Variants in BRIP1 observed in about 807,000 individuals in gnomAD.
BRIP1 encodes the protein BRCA1 interacting DNA helicase 1.
BRIP1 carries 88 observed loss-of-function variants against 119.7 expected under a neutral mutation model. That is an observed-to-expected ratio of 0.74 (90% CI 0.62 to 0.88). The LOEUF (loss-of-function observed/expected upper bound fraction) is 0.88, where lower values mean the gene tolerates loss of function less well. Among genes scored for constraint, BRIP1 ranks in the 40% least tolerant of loss-of-function variants. The pLI, the probability that BRIP1 is intolerant of heterozygous loss-of-function variation, is 0.00. For missense variants in BRIP1, 1,259 were observed against 1,455.4 expected, an observed-to-expected ratio of 0.87 and a Z score of 2.20; for synonymous variants, 443 against 496.5, an observed-to-expected ratio of 0.89 and a Z score of 1.43.
rs965805009 is a variant in BRIP1 at position 61,793,963 on chromosome 17, T to C, written c.1341-234A>G. 6.6e-6 allele frequency among the ~76,000 whole-genome samples: 1 copy of C among 152,176 alleles called. No individual in the cohort carries two copies. The highest frequency in any genetic ancestry group is 2.4e-5 in the African/African-American group (1 of 41,462). ...TATTCAGAAGAAACAAACATGCATA[T>C]GATTTCCCACTTGTTTTGTGGATTC... is the stretch of plus-strand genomic sequence containing the variant. On this transcript the variant is annotated intron_variant, in intron 9 of 19. Transcript: ENST00000259008. The surrounding 1 kb of genome is among the most constrained non-coding windows in gnomAD (Gnocchi z 5.2).
intron 18 of BRIP1, among the ~76,000 whole-genome samples, chr17:61,688,551 G>A (rs747503225): frequency 6.6e-6 from 1 of 152,044 alleles, no homozygotes; most frequent in Non-Finnish European, 1.5e-5. Flanking sequence ...ACAGATCCAC[G>A]GAAAAGGTTT....
rs79772089 is a variant in BRIP1, at chr17:61,796,730, G to C, written c.1340+2370C>G. Among the ~76,000 whole-genome samples, 20 of 152,104 alleles carry C rather than the reference G, an allele frequency of 1.3e-4. No homozygotes were observed. In the East Asian group the frequency reaches 3.7e-3, roughly 28 times the overall value. ...TTTAAAAAATGATTCTAGCTACCAA[G>C]CTAGAATTGATTACTGGAGAAAGAT... On this transcript the variant is annotated intron_variant, in intron 9 of 19. Coordinates refer to ENST00000259008, the MANE Select transcript of BRIP1 (RefSeq NM_032043.3). The surrounding 1 kb of genome is among the most constrained non-coding windows in gnomAD (Gnocchi z 4.8).
chr17:61,744,516 C>T lies in BRIP1; in HGVS notation c.2173G>A (p.Val725Ile), dbSNP rs1236873736. Residue 725 changes from valine (V) to isoleucine (I), a missense_variant, in exon 15 of 20, where the codon GTA becomes ATA. Around this residue, in one of 3 missense-constraint regions of BRIP1, gnomAD observed 753 missense variants for 891.8 expected, o/e 0.84. Coordinates refer to ENST00000259008, the MANE Select transcript of BRIP1 (RefSeq NM_032043.3). This position sits in a 1 kb window ranked among gnomAD's most constrained non-coding sequence, Gnocchi z 5.0. Reference sequence around the variant, plus strand: ...GTTTTTTCTCCTCCCTGTGGTTCTACAATGACTGTCTTCACCAACTCCAGA... The same window carrying T: ...GTTTTTTCTCCTCCCTGTGGTTCTATAATGACTGTCTTCACCAACTCCAGA... The part of the protein sequence containing the change: ...HNLELVKTVI[V>I]EPQGGEKTNF... The T allele has an allele frequency of 6.2e-7, 1 of 1,613,830 alleles. No individual in the cohort carries two copies. Among genetic ancestry groups the T allele is most frequent in the Admixed American group, 1.7e-5 (1 of 60,020 alleles).
chr17:61,859,748 T>C (rs2078947511), intron 3 of BRIP1, 48 bp downstream of exon 3: 3 of 1,189,812 alleles, frequency 2.5e-6, no homozygotes, highest in Non-Finnish European at 3.8e-6. Context: ...TGTATTATAT[T>C]TTCTCAGATC....
chr17:61,825,854 T>C lies in BRIP1; in HGVS notation c.628-17097A>G, dbSNP rs962708971. On this transcript the variant is annotated intron_variant, in intron 6 of 19. Transcript: ENST00000259008. The surrounding 1 kb of genome is among the most constrained non-coding windows in gnomAD (Gnocchi z 4.1). ...AAAGCAATTTACAGATTCAATGCTA[T>C]TCCTATTAAACTACCACTGACATTC... 6.6e-6 allele frequency among the ~76,000 whole-genome samples: 1 copy of C among 152,106 alleles called. No individual in the cohort carries two copies. Among genetic ancestry groups the C allele is most frequent in the Non-Finnish European group, 1.5e-5 (1 of 68,022 alleles).
rs1603367680 is a variant in BRIP1, at chr17:61,859,836, G to A, written c.165C>T (p.Ala55=). 2 of 1,613,928 alleles carry A rather than the reference G, an allele frequency of 1.2e-6. No homozygotes were observed. Among genetic ancestry groups the A allele is most frequent in the Non-Finnish European group, 1.7e-6 (2 of 1,179,878 alleles). ...ESPTGSGKSL[A]LLCSALAWQQ... is the part of the protein sequence containing the mutation. The stretch of plus-strand genomic sequence containing the variant: ...GCCATGCTAAAGCAGAACAAAGTAA[G>A]GCTAAGCTTTTTCCACTTCCTGTGG... Residue 55 remains alanine (A), a synonymous_variant, in exon 3 of 20, where the codon GCC becomes GCT. Transcript: ENST00000259008.
At position 61,844,403 on chromosome 17, in the gene BRIP1, A is replaced by G. The variant is rs2078699517; in HGVS notation, c.627+2698T>C. On this transcript the variant is annotated intron_variant, in intron 6 of 19. Coordinates refer to ENST00000259008, the MANE Select transcript of BRIP1 (RefSeq NM_032043.3). This position sits in a 1 kb window ranked among gnomAD's most constrained non-coding sequence, Gnocchi z 4.7. ...AGTTTGAGACCAACCTGGGCAACAC[A>G]GTGAGACCTCATCTCTACAAAAAAT... Among the ~76,000 whole-genome samples, 1 of 152,128 alleles carries G rather than the reference A, an allele frequency of 6.6e-6. No individual in the cohort carries two copies. Among genetic ancestry groups the G allele is most frequent in the Admixed American group, 6.5e-5 (1 of 15,274 alleles).
intron 5 of BRIP1, among the ~76,000 whole-genome samples, chr17:61,847,612 C>T (rs959157768): frequency 6.6e-6 from 1 of 152,036 alleles, no homozygotes; most frequent in African/African-American, 2.4e-5. Flanking sequence ...TTGAAAAGAA[C>T]TCAGAATAAA....
intron 10 of BRIP1, among the ~76,000 whole-genome samples, chr17:61,784,625 T>C (rs183872183): frequency 2.8e-4 from 42 of 152,206 alleles, no homozygotes; most frequent in African/African-American, 9.6e-4. Flanking sequence ...ATCAGGAGGT[T>C]TGGGACCATG....
intron 10 of BRIP1, among the ~76,000 whole-genome samples, chr17:61,792,167 A>G (rs2077828152): frequency 6.6e-6 from 1 of 152,136 alleles, no homozygotes; most frequent in Non-Finnish European, 1.5e-5. Flanking sequence ...TACAGCCTCA[A>G]ATTCCTGGGT....
At chr17:61,728,118 C>T (rs907041283) in intron 16 of BRIP1, among the ~76,000 whole-genome samples, 3 of 151,984 alleles carry the variant, frequency 2.0e-5, no homozygotes, top group African/African-American at 7.2e-5. Flanking sequence ...CGTGAGCCAC[C>T]GCGCCTGGCC....
rs1023606367 is a variant in BRIP1 at position 61,687,609 on chromosome 17, T to A, written c.2576-1444A>T. On this transcript the variant is annotated intron_variant, in intron 18 of 19. Transcript: ENST00000259008. This position sits in a 1 kb window ranked among gnomAD's most constrained non-coding sequence, Gnocchi z 5.1. ...AAAATTTAACATCTCTTTATTATAATAAAATGTATTTTTTTTTTAGCTAAA... is the reference window on the plus strand; with the variant it reads ...AAAATTTAACATCTCTTTATTATAAAAAAATGTATTTTTTTTTTAGCTAAA... Among the ~76,000 whole-genome samples, 3 of 152,168 alleles carry A rather than the reference T, an allele frequency of 2.0e-5. No homozygotes were observed. Among genetic ancestry groups the A allele is most frequent in the African/African-American group, 7.2e-5 (3 of 41,432 alleles).
chr17:61,847,301 C>A, intron 5 of BRIP1, 81 bp from the exon 6 acceptor site: 1 of 1,482,436 alleles, frequency 6.7e-7, no homozygotes, highest in East Asian at 2.3e-5. Flanking sequence ...CAAAACAGCT[C>A]TATGTATTTT....
Position 61,700,468 on chromosome 17 carries a change from TA to T in BRIP1, c.2493-6957del, listed in dbSNP as rs1357782608. 6.6e-6 allele frequency among the ~76,000 whole-genome samples: 1 copy of T among 152,200 alleles called. No homozygotes were observed. The highest frequency in any genetic ancestry group is 1.5e-5 in the Non-Finnish European group (1 of 68,036). On this transcript the variant is annotated intron_variant, in intron 17 of 19. Coordinates refer to ENST00000259008, the MANE Select transcript of BRIP1 (RefSeq NM_032043.3). This position sits in a 1 kb window ranked among gnomAD's most constrained non-coding sequence, Gnocchi z 4.1. ...TTCTGAAGGACAGTTTTGTTAGATATAGTATTCTTGGTTGACAGTCATTTTC... is the reference window on the plus strand; with the variant it reads ...TTCTGAAGGACAGTTTTGTTAGATATGTATTCTTGGTTGACAGTCATTTTC...
At chr17:61,719,982 C>T (rs1223851597) in intron 16 of BRIP1, among the ~76,000 whole-genome samples, 2 of 151,968 alleles carry the variant, frequency 1.3e-5, no homozygotes, top group Non-Finnish European at 2.9e-5. Flanking sequence ...GTGTGTGCTG[C>T]CATGCCTGGC....
At position 61,810,483 on chromosome 17, in the gene BRIP1, A is replaced by AT. The variant is rs1486288088; in HGVS notation, c.628-1727dup. On this transcript the variant is annotated intron_variant, in intron 6 of 19. Coordinates refer to ENST00000259008, the MANE Select transcript of BRIP1 (RefSeq NM_032043.3). The surrounding 1 kb of genome is among the most constrained non-coding windows in gnomAD (Gnocchi z 4.7). ...ATTAATTTACTTTTTCATACCATCA[A>AT]TTTTTTCCCTCAATTATACTATTTC... Among the ~76,000 whole-genome samples the AT allele has an allele frequency of 6.6e-6, 1 of 152,094 alleles. No individual in the cohort carries two copies. Among genetic ancestry groups the AT allele is most frequent in the Admixed American group, 6.6e-5 (1 of 15,266 alleles).
chr17:61,741,295 C>T (rs573002637), intron 16 of BRIP1, among the ~76,000 whole-genome samples: 3 of 152,328 alleles, frequency 2.0e-5, no homozygotes, highest in African/African-American at 7.2e-5. Flanking sequence ...ACTTCCTCCA[C>T]TGAACTCTTA....
intron 4 of BRIP1, 105 bp from the exon 5 acceptor site, chr17:61,849,361 A>T: frequency 1.1e-6 from 1 of 946,906 alleles, no homozygotes; most frequent in Non-Finnish European, 1.6e-6. Context: ...TAGAAATTTC[A>T]TACCATAATC....
In BRIP1 at chr17:61,863,469, G is replaced by C. The variant is rs974189943; in HGVS notation, c.-216C>G. The stretch of plus-strand genomic sequence containing the variant: ...CCTTGTGTGCAGGACTGGGGCCGCC[G>C]TTACCTTTCCTCGACCCACCAGACC... On this transcript the variant is annotated 5_prime_UTR_variant, in exon 1 of 20. Transcript: ENST00000259008. The C allele has an allele frequency of 2.0e-5, 3 of 151,918 alleles. No individual in the cohort carries two copies. Among genetic ancestry groups the C allele is most frequent in the African/African-American group, 7.3e-5 (3 of 41,292 alleles). The allele number at this position is 151,918 out of a possible 1,614,324, so 9.4% of individuals were successfully genotyped here.
Sources: allele counts gnomAD v4.1 joint callset (sites outside exome capture counted in the v4.1 genomes callset), GRCh38; gene constraint gnomAD v4.1.1; regional missense constraint gnomAD v4.1.1; non-coding constraint Gnocchi (gnomAD v3.1); transcripts MANE v1.5; gene names NCBI Gene and HGNC (gene_info 2026-07-23, HGNC 2026-07-21).